Variants in CADM2 observed in about 807,000 individuals in gnomAD.
CADM2 encodes immunoglobulin superfamily member 4D.
Under a neutral mutation model 49.8 loss-of-function variants are expected in CADM2, and 12 were observed. The observed-to-expected ratio is 0.24, with a 90% CI of 0.15 to 0.39. CADM2 has a LOEUF of 0.39. CADM2 is among the 10% of genes least tolerant of loss of function. The probability of loss-of-function intolerance (pLI) is 1.00; values close to 1 mark genes in which losing one functional copy is unlikely to be tolerated. For missense variants in CADM2, 378 were observed against 492.3 expected (o/e 0.77, Z 2.20); for synonymous variants, 214 against 175.4 (o/e 1.22, Z -1.74).
At chr3:85,172,498 G>A (rs1378891795) in intron 1 of CADM2, among the ~76,000 whole-genome samples, 3 of 152,050 alleles carry the variant, frequency 2.0e-5, no homozygotes, top group Non-Finnish European at 2.9e-5. Flanking sequence ...TTACTTTCAG[G>A]TGGTGAGGTC....
At chr3:85,564,453 A>G (rs2062195868) in intron 1 of CADM2, among the ~76,000 whole-genome samples, 1 of 152,116 alleles carries the variant, frequency 6.6e-6, no homozygotes, top group Admixed American at 6.6e-5. Context: ...GGTGAACAAC[A>G]TAGCTAACAT....
At chr3:85,132,162 TA>T (rs2039253028) in intron 1 of CADM2, among the ~76,000 whole-genome samples, 2 of 152,244 alleles carry the variant, frequency 1.3e-5, no homozygotes, top group Non-Finnish European at 2.9e-5. Flanking sequence ...AAAGTTGCAT[TA>T]GCCTTTTCAG....
At chr3:85,700,662 G>A (rs917445474) in intron 1 of CADM2, among the ~76,000 whole-genome samples, 2 of 152,066 alleles carry the variant, frequency 1.3e-5, no homozygotes, top group Admixed American at 6.6e-5. Context: ...CCTTAGGGTT[G>A]GGCACAATGC....
intron 2 of CADM2, among the ~76,000 whole-genome samples, chr3:85,777,985 C>T (rs73845659): frequency 0.014 from 2,203 of 152,174 alleles, 57 homozygotes; most frequent in African/African-American, 0.051. Flanking sequence ...TTCAACACCT[C>T]GACCAGTGAA....
intron 1 of CADM2, among the ~76,000 whole-genome samples, chr3:85,192,650 A>G (rs1405242790): frequency 6.6e-6 from 1 of 151,644 alleles, no homozygotes; most frequent in Non-Finnish European, 1.5e-5. Context: ...TAAAAAATCC[A>G]TAAAAATGAA....
At chr3:85,718,741 G>A (rs1254427779) in intron 1 of CADM2, among the ~76,000 whole-genome samples, 1 of 151,608 alleles carries the variant, frequency 6.6e-6, no homozygotes, top group African/African-American at 2.4e-5. Context: ...TTTATAAAGT[G>A]AGAAAACAGG....
At chr3:85,384,739 T>C (rs2034120576) in intron 1 of CADM2, among the ~76,000 whole-genome samples, 1 of 152,034 alleles carries the variant, frequency 6.6e-6, no homozygotes. Context: ...TATATAATTT[T>C]CCATGGGTAT....
intron 1 of CADM2, among the ~76,000 whole-genome samples, chr3:85,534,867 G>A (rs2061391977): frequency 6.6e-6 from 1 of 152,132 alleles, no homozygotes; most frequent in Non-Finnish European, 1.5e-5. Flanking sequence ...GTAAGAAAAT[G>A]ATTGCAATGA....
At chr3:85,468,443 C>T (rs575790346) in intron 1 of CADM2, among the ~76,000 whole-genome samples, 4 of 152,012 alleles carry the variant, frequency 2.6e-5, no homozygotes, top group Non-Finnish European at 5.9e-5. Context: ...GAGGCTCTTG[C>T]CATTTGTGAT....
chr3:85,212,809 CTTCTCT>C (rs1245432934), intron 1 of CADM2, among the ~76,000 whole-genome samples: 3 of 99,412 alleles, frequency 3.0e-5, no homozygotes, highest in Non-Finnish European at 5.0e-5. Flanking sequence ...TCTTCTTTTT[CTTCTCT>C]TTCTTTCTTT....
At chr3:85,280,130 A>T (rs1027245501) in intron 1 of CADM2, among the ~76,000 whole-genome samples, 9 of 151,686 alleles carry the variant, frequency 5.9e-5, no homozygotes, top group African/African-American at 2.2e-4. Flanking sequence ...TTAAGCTGAT[A>T]ACAACTTAAC....
chr3:85,590,380 C>T (rs2063072060), intron 1 of CADM2, among the ~76,000 whole-genome samples: 1 of 151,854 alleles, frequency 6.6e-6, no homozygotes, highest in African/African-American at 2.4e-5. Context: ...AGTACTTGAC[C>T]TCAATGAATT....
intron 1 of CADM2, among the ~76,000 whole-genome samples, chr3:85,396,679 G>A (rs532947178): frequency 6.6e-6 from 1 of 151,928 alleles, no homozygotes; most frequent in Non-Finnish European, 1.5e-5. Flanking sequence ...AGGACAGTCT[G>A]TTCAATAAAT....
chr3:85,684,986 G>A (rs553530503), intron 1 of CADM2, among the ~76,000 whole-genome samples: 21 of 152,232 alleles, frequency 1.4e-4, no homozygotes, highest in African/African-American at 3.6e-4. Flanking sequence ...AGAATCGGCC[G>A]GGCGCGGTAG....
chr3:85,940,983 T>C (rs527974976), intron 7 of CADM2, among the ~76,000 whole-genome samples: 1 of 152,196 alleles, frequency 6.6e-6, no homozygotes, highest in African/African-American at 2.4e-5. Flanking sequence ...AAATGTTACA[T>C]TTGTTGTAAT....
chr3:85,691,917 T>C (rs963115125), intron 1 of CADM2, among the ~76,000 whole-genome samples: 35 of 152,140 alleles, frequency 2.3e-4, no homozygotes, highest in Middle Eastern at 3.4e-3. Flanking sequence ...TAGGTGGGAA[T>C]TGAACAATGA....
At chr3:85,220,943 CT>C (rs1435460948) in intron 1 of CADM2, among the ~76,000 whole-genome samples, 2 of 152,110 alleles carry the variant, frequency 1.3e-5, no homozygotes, top group African/African-American at 4.8e-5. Flanking sequence ...CTAGAATTCC[CT>C]GAAAATTATA....
chr3:85,780,196 T>C (rs2070566927), intron 2 of CADM2, among the ~76,000 whole-genome samples: 2 of 152,138 alleles, frequency 1.3e-5, no homozygotes, highest in Admixed American at 6.6e-5. Context: ...AAAATAAGGG[T>C]GTGACTAGTA....
chr3:85,911,882 T>C (rs1717639046), intron 5 of CADM2, among the ~76,000 whole-genome samples: 1 of 151,954 alleles, frequency 6.6e-6, no homozygotes, highest in Admixed American at 6.6e-5. Flanking sequence ...GCCCCCACCC[T>C]TTTATAATAT....
Sources: allele counts gnomAD v4.1 joint callset (sites outside exome capture counted in the v4.1 genomes callset), GRCh38; gene constraint gnomAD v4.1.1; transcripts MANE v1.5; gene names NCBI Gene and HGNC (gene_info 2026-07-23, HGNC 2026-07-21).